The following SPAG16 variants were observed in gnomAD, a reference collection of about 807,000 sequenced individuals.
The protein encoded by SPAG16 is sperm-associated antigen 16 protein.
Under a neutral mutation model 80.4 loss-of-function variants are expected in SPAG16, and 86 were observed. The ratio of observed to expected loss-of-function variants is 1.07; its 90% confidence interval spans 0.90 to 1.28. The LOEUF (loss-of-function observed/expected upper bound fraction) is 1.28, where lower values mean the gene tolerates loss of function less well. Among genes scored for constraint, SPAG16 ranks in the 50% most tolerant of loss-of-function variants. SPAG16 has a pLI of 0.00. For missense variants in SPAG16, 870 were observed against 765.3 expected, an observed-to-expected ratio of 1.14 and a Z score of -1.61; for synonymous variants, 294 against 265.9, an observed-to-expected ratio of 1.11 and a Z score of -1.03.
chr2:213,684,271 A>C lies in SPAG16; in HGVS notation c.1071-178214A>C, dbSNP rs1397036693. Among the ~76,000 whole-genome samples the C allele has an allele frequency of 2.0e-5, 3 of 152,228 alleles. No individual in the cohort carries two copies. The East Asian group carries it at 5.8e-4, about 29-fold the overall frequency. On this transcript the variant is annotated intron_variant, in intron 10 of 15. Transcript: ENST00000331683. ...TGTAGCTTATGCCTTGTGTATGTGC[A>C]TATTCATGGTTAAGAAATGAAGTAC... is the stretch of plus-strand genomic sequence containing the variant.
intron 10 of SPAG16, among the ~76,000 whole-genome samples, chr2:213,620,183 AG>A (rs1411487254): frequency 1.3e-5 from 2 of 151,996 alleles, no homozygotes; most frequent in Non-Finnish European, 2.9e-5. Context: ...AAAGAAAAAA[AG>A]GTTGGTCCAT....
intron 10 of SPAG16, among the ~76,000 whole-genome samples, chr2:213,790,112 C>G (rs1013567600): frequency 6.6e-6 from 1 of 151,882 alleles, no homozygotes; most frequent in African/African-American, 2.4e-5. Context: ...GTTCTTTCCC[C>G]AGTGGAGTAC....
At chr2:214,018,169 G>A (rs185575904) in intron 13 of SPAG16, among the ~76,000 whole-genome samples, 48 of 151,952 alleles carry the variant, frequency 3.2e-4, no homozygotes, top group African/African-American at 1.1e-3. Flanking sequence ...AGTGAAATAC[G>A]ATAATCCAAA....
intron 14 of SPAG16, among the ~76,000 whole-genome samples, chr2:214,136,960 C>A (rs1576319681): frequency 6.6e-6 from 1 of 152,178 alleles, no homozygotes; most frequent in Non-Finnish European, 1.5e-5. Context: ...GACTTAATGT[C>A]TCTGCCATTT....
intron 9 of SPAG16, among the ~76,000 whole-genome samples, chr2:213,478,968 C>T (rs1302896238): frequency 6.6e-6 from 1 of 151,964 alleles, no homozygotes; most frequent in Non-Finnish European, 1.5e-5. Context: ...GTTTGGTCCT[C>T]CCAATGTTGA....
intron 10 of SPAG16, among the ~76,000 whole-genome samples, chr2:213,492,274 C>T (rs1161037629): frequency 6.6e-6 from 1 of 152,158 alleles, no homozygotes; most frequent in East Asian, 1.9e-4. Flanking sequence ...AAACCAGTGG[C>T]CGGGTGTGGT....
chr2:213,784,653 A>G (rs921504603), intron 10 of SPAG16, among the ~76,000 whole-genome samples: 6 of 88,396 alleles, frequency 6.8e-5, no homozygotes, highest in Admixed American at 1.2e-4. Context: ...AAAAAAAAAA[A>G]GAACTGTGAG....
intron 15 of SPAG16, among the ~76,000 whole-genome samples, chr2:214,179,324 G>A (rs959415464): frequency 2.0e-5 from 3 of 150,818 alleles, no homozygotes; most frequent in Non-Finnish European, 3.0e-5. Context: ...GTAAGCATAC[G>A]AAATGGGCAA....
At chr2:213,998,067 G>A (rs187394153) in intron 12 of SPAG16, among the ~76,000 whole-genome samples, 29 of 152,266 alleles carry the variant, frequency 1.9e-4, no homozygotes, top group Admixed American at 1.1e-3. Flanking sequence ...TCTTTACTGG[G>A]CAATCAATTA....
At chr2:213,440,541 C>T (rs113067419) in intron 9 of SPAG16, among the ~76,000 whole-genome samples, 8 of 151,828 alleles carry the variant, frequency 5.3e-5, no homozygotes, top group Non-Finnish European at 7.4e-5. Context: ...GGTGACAGAG[C>T]GAGACTCCAT....
intron 13 of SPAG16, among the ~76,000 whole-genome samples, chr2:214,037,913 G>C (rs1487527897): frequency 6.9e-6 from 1 of 144,568 alleles, no homozygotes; most frequent in East Asian, 2.0e-4. Flanking sequence ...GTGTGTGTGT[G>C]TATCCAAGTC....
intron 10 of SPAG16, among the ~76,000 whole-genome samples, chr2:213,666,260 G>T (rs1030673004): frequency 6.6e-6 from 1 of 151,906 alleles, no homozygotes; most frequent in South Asian, 2.1e-4. Flanking sequence ...CAAGCTTCTT[G>T]TTACTTTGTT....
intron 10 of SPAG16, among the ~76,000 whole-genome samples, chr2:213,687,658 GT>G (rs1559377014): frequency 6.6e-6 from 1 of 152,036 alleles, no homozygotes; most frequent in Non-Finnish European, 1.5e-5. Context: ...AAAGGCATAT[GT>G]TTTTTTGTCT....
At chr2:213,943,422 G>C (rs1360062128) in intron 12 of SPAG16, among the ~76,000 whole-genome samples, 1 of 152,154 alleles carries the variant, frequency 6.6e-6, no homozygotes, top group African/African-American at 2.4e-5. Context: ...ATCATGTAAT[G>C]TCAGCAGAAA....
intron 10 of SPAG16, among the ~76,000 whole-genome samples, chr2:213,759,374 T>C (rs555719852): frequency 6.6e-6 from 1 of 152,192 alleles, no homozygotes; most frequent in Non-Finnish European, 1.5e-5. Context: ...TATTATGCTT[T>C]GTAACTCCAA....
intron 8 of SPAG16, 131 bp from the exon 9 acceptor site, chr2:213,374,879 G>C (rs1333382594): frequency 1.6e-6 from 1 of 638,156 alleles, no homozygotes; most frequent in Non-Finnish European, 2.7e-6. Context: ...GTATGGTTTG[G>C]GTATCAATAA....
At chr2:213,842,444 C>A (rs998000373) in intron 10 of SPAG16, among the ~76,000 whole-genome samples, 7 of 151,896 alleles carry the variant, frequency 4.6e-5, no homozygotes, top group Non-Finnish European at 8.8e-5. Flanking sequence ...TACATATATA[C>A]AATTCATATA....
At chr2:213,371,656 A>T (rs1270807339) in intron 8 of SPAG16, among the ~76,000 whole-genome samples, 1 of 152,088 alleles carries the variant, frequency 6.6e-6, no homozygotes, top group Non-Finnish European at 1.5e-5. Context: ...TTGAAGTTAG[A>T]AAACAACAAA....
chr2:213,626,641 A>ATTTTTTTTTTTTTTTTTTTTTTTTTTT (rs10582370), intron 10 of SPAG16, among the ~76,000 whole-genome samples: 1 of 98,980 alleles, frequency 1.0e-5, no homozygotes, highest in Non-Finnish European at 1.9e-5. Flanking sequence ...ATCGGGCTCA[A>ATTTTTTTTTTTTTTTTTTTTTTTTTTT]TTTTTTTTTT....
Sources: allele counts gnomAD v4.1 joint callset (sites outside exome capture counted in the v4.1 genomes callset), GRCh38; gene constraint gnomAD v4.1.1; transcripts MANE v1.5; gene names NCBI Gene and HGNC (gene_info 2026-07-23, HGNC 2026-07-21).